The following NR2F1-AS1 variants were observed in gnomAD, a reference collection of about 807,000 sequenced individuals.
The protein encoded by NR2F1-AS1 is NR2F1 regulatory antisense RNA 1.
intron 4 of NR2F1-AS1, among the ~76,000 whole-genome samples, chr5:93,445,086 C>G (rs1749666015): frequency 1.3e-5 from 2 of 152,118 alleles, no homozygotes; most frequent in Admixed American, 1.3e-4. Context: ...TAAATACCAA[C>G]AAGAGGAAGC....
At chr5:93,506,138 T>C (rs957117476) in intron 4 of NR2F1-AS1, among the ~76,000 whole-genome samples, 1 of 152,156 alleles carries the variant, frequency 6.6e-6, no homozygotes, top group Admixed American at 6.5e-5. Context: ...TCCACAAATC[T>C]CTAGGGCAGG....
At chr5:93,529,772 A>G (rs1751695343) in intron 4 of NR2F1-AS1, among the ~76,000 whole-genome samples, 1 of 152,140 alleles carries the variant, frequency 6.6e-6, no homozygotes, top group African/African-American at 2.4e-5. Flanking sequence ...AAAAAAAGGA[A>G]ACGCTATTTT....
At chr5:93,426,658 T>C (rs76605052) in intron 4 of NR2F1-AS1, among the ~76,000 whole-genome samples, 1,740 of 152,188 alleles carry the variant, frequency 0.011, 18 homozygotes, top group Non-Finnish European at 0.019. Flanking sequence ...CACCCAACAC[T>C]CATATCAAAT....
At chr5:93,500,633 G>A (rs971725745) in intron 4 of NR2F1-AS1, among the ~76,000 whole-genome samples, 3 of 152,046 alleles carry the variant, frequency 2.0e-5, no homozygotes, top group African/African-American at 4.8e-5. Flanking sequence ...TGACTTTCAA[G>A]TCTTACTAAA....
chr5:93,513,953 C>A (rs1751351271), intron 4 of NR2F1-AS1, among the ~76,000 whole-genome samples: 1 of 152,064 alleles, frequency 6.6e-6, no homozygotes, highest in African/African-American at 2.4e-5. Flanking sequence ...AGAATCCCCC[C>A]TACCCAAAAA....
chr5:93,486,313 GT>G (rs908113677), intron 4 of NR2F1-AS1, among the ~76,000 whole-genome samples: 60 of 150,862 alleles, frequency 4.0e-4, no homozygotes, highest in East Asian at 7.8e-4. Flanking sequence ...TCCAGGAGCT[GT>G]TTTTTTTTAA....
chr5:93,566,210 T>A (rs1752614145), intron 1 of NR2F1-AS1, among the ~76,000 whole-genome samples: 1 of 152,012 alleles, frequency 6.6e-6, no homozygotes, highest in South Asian at 2.1e-4. Flanking sequence ...TATACTACCA[T>A]AATAGCTATT....
intron 4 of NR2F1-AS1, among the ~76,000 whole-genome samples, chr5:93,451,320 GAAAA>G (rs35059457): frequency 1.3e-5 from 1 of 78,706 alleles, no homozygotes; most frequent in Admixed American, 1.5e-4. Context: ...TAGGGTTTTT[GAAAA>G]AAAAAAAAAA....
chr5:93,492,545 G>A (rs1750873341), intron 4 of NR2F1-AS1, among the ~76,000 whole-genome samples: 1 of 152,138 alleles, frequency 6.6e-6, no homozygotes, highest in South Asian at 2.1e-4. Flanking sequence ...CACATTTTGT[G>A]AGATCAGCAT....
chr5:93,449,279 A>C (rs191975565), intron 4 of NR2F1-AS1, among the ~76,000 whole-genome samples: 156 of 152,310 alleles, frequency 1.0e-3, no homozygotes, highest in African/African-American at 3.6e-3. Flanking sequence ...GCCATCATAA[A>C]GTAGACCATA....
intron 4 of NR2F1-AS1, among the ~76,000 whole-genome samples, chr5:93,536,829 G>A (rs767860928): frequency 1.3e-5 from 2 of 152,114 alleles, no homozygotes; most frequent in South Asian, 4.1e-4. Flanking sequence ...TAATTCCCAC[G>A]TGTTGTGGAA....
At chr5:93,491,287 G>A (rs557935134) in intron 4 of NR2F1-AS1, among the ~76,000 whole-genome samples, 1 of 150,368 alleles carries the variant, frequency 6.7e-6, no homozygotes, top group Non-Finnish European at 1.5e-5. Context: ...GTGGTGATAA[G>A]AGTGGTAGTG....
intron 4 of NR2F1-AS1, among the ~76,000 whole-genome samples, chr5:93,505,172 T>C (rs1751160540): frequency 1.3e-5 from 2 of 151,964 alleles, no homozygotes; most frequent in African/African-American, 4.8e-5. Flanking sequence ...AGTAGGGCAG[T>C]CAAATTAAAT....
chr5:93,498,728 G>C (rs1751015789), intron 4 of NR2F1-AS1, among the ~76,000 whole-genome samples: 1 of 151,970 alleles, frequency 6.6e-6, no homozygotes, highest in Non-Finnish European at 1.5e-5. Flanking sequence ...AGTTAGAAGA[G>C]AACACAAGTA....
chr5:93,545,864 G>A (rs182425828), intron 4 of NR2F1-AS1, among the ~76,000 whole-genome samples: 27 of 152,236 alleles, frequency 1.8e-4, no homozygotes, highest in Admixed American at 5.9e-4. Context: ...TTCACTTGTC[G>A]TTACCAAAAG....
At chr5:93,504,513 G>A (rs1561472551) in intron 4 of NR2F1-AS1, among the ~76,000 whole-genome samples, 1 of 152,002 alleles carries the variant, frequency 6.6e-6, no homozygotes, top group Non-Finnish European at 1.5e-5. Context: ...ATAAGACTAG[G>A]GTATTAGTCC....
upstream of NR2F1-AS1, chr5:93,585,493 A>G: frequency 6.2e-7 from 1 of 1,602,794 alleles, no homozygotes; most frequent in South Asian, 1.1e-5. Context: ...GAAGGTGAAT[A>G]TTTCTTCTCT....
intron 4 of NR2F1-AS1, among the ~76,000 whole-genome samples, chr5:93,474,416 C>T (rs1750437101): frequency 6.6e-6 from 1 of 152,136 alleles, no homozygotes; most frequent in Non-Finnish European, 1.5e-5. Flanking sequence ...TTTCAGCAGG[C>T]TGTACCAAAA....
upstream of NR2F1-AS1, among the ~76,000 whole-genome samples, chr5:93,581,735 C>CCCCTCTCCCCCTCT (rs1753058308): frequency 7.5e-5 from 2 of 26,778 alleles, no homozygotes; most frequent in African/African-American, 6.4e-4. Flanking sequence ...TCTCTCTCTC[C>CCCCTCTCCCCCTCT]CCCTCTCCCT....
Sources: allele counts gnomAD v4.1 joint callset (sites outside exome capture counted in the v4.1 genomes callset), GRCh38; gene constraint gnomAD v4.1.1; transcripts MANE v1.5; gene names NCBI Gene and HGNC (gene_info 2026-07-23, HGNC 2026-07-21).